SIGLEC14: variants seen among roughly 807,000 people sequenced by gnomAD.
SIGLEC14 encodes sialic acid binding Ig like lectin 14, also known as sialic acid-binding Ig-like lectin 14.
A neutral mutation model predicts 34.2 loss-of-function variants in SIGLEC14; 11 were observed. That is an observed-to-expected ratio of 0.32 (90% CI 0.20 to 0.53). The LOEUF (loss-of-function observed/expected upper bound fraction) is 0.53. SIGLEC14 is among the 20% of genes least tolerant of loss of function. SIGLEC14 has a pLI of 0.95. For missense variants in SIGLEC14, 264 were observed against 439.0 expected (o/e 0.60, Z 3.56); for synonymous variants, 99 against 179.7 (o/e 0.55, Z 3.59).
Position 51,645,788 on chromosome 19 carries a change from C to T in SIGLEC14, c.694G>A (p.Val232Ile), listed in dbSNP as rs755871717. ...TGTCCCCAGCACCACTCACAGGAGACATTGAGCTGGACAGTTCTCTCCGTG... is the reference window on the plus strand; with the variant it reads ...TGTCCCCAGCACCACTCACAGGAGATATTGAGCTGGACAGTTCTCTCCGTG... ...VTTERTVQLN[V>I]SYAPQNLAIS... is the part of the protein sequence containing the mutation. Residue 232 changes from valine (V) to isoleucine (I), a missense_variant, in exon 3 of 7, where the codon GTC (valine) becomes ATC (isoleucine). Physicochemically the swap from Val to Ile is conservative, Grantham distance 29. This residue lies in a region of SIGLEC14 where 45 missense variants were observed against 96.7 expected (regional missense o/e 0.47). Transcript: ENST00000360844. 6.5e-7 allele frequency: 1 copy of T among 1,528,366 alleles called. No individual in the cohort carries two copies. Among genetic ancestry groups the T allele is most frequent in the Non-Finnish European group, 8.8e-7 (1 of 1,140,176 alleles). The allele number at this position is 1,528,366 out of a possible 1,614,324, so 94.7% of individuals were successfully genotyped here.
At position 51,639,773 on chromosome 19, in the gene SIGLEC14, GAC is replaced by G. The variant is rs1370610357; in HGVS notation, c.*3580_*3581del. ...GATTTCAACATATAAATTTTGGGAA[GAC>G]ACACATTTCTATTATAGCATAAATA... is the stretch of plus-strand genomic sequence containing the variant. On this transcript the variant is annotated 3_prime_UTR_variant, in exon 7 of 7. Transcript: ENST00000360844. 2 of 138,868 alleles carry G rather than the reference GAC, an allele frequency of 1.4e-5. 1 individual carries two copies. Among genetic ancestry groups the G allele is most frequent in the East Asian group, 6.6e-4 (2 of 3,034 alleles). 8.6% of individuals were successfully genotyped at this position (138,868 alleles called of 1,614,324 possible).
At chr19:51,645,734 C>T (rs1440677955) in intron 3 of SIGLEC14, 48 bp downstream of exon 3, 1 of 1,086,864 alleles carries the variant, frequency 9.2e-7, no homozygotes, top group Non-Finnish European at 1.2e-6. Flanking sequence ...ACACCCCCCT[C>T]ACTCCCACTG....
At chr19:51,643,475 G>GGGGGGGGGC in intron 6 of SIGLEC14, 62 bp downstream of exon 6, 1 of 1,330,010 alleles carries the variant, frequency 7.5e-7, no homozygotes. Flanking sequence ...CTGTCCTGGG[G>GGGGGGGGGC]CAGGACAGCT....
rs201029241 is a variant in SIGLEC14 at position 51,643,368 on chromosome 19, T to A, written c.1178A>T (p.Glu393Val). 73 of 1,523,118 alleles carry A rather than the reference T, an allele frequency of 4.8e-5. 7 individuals are homozygous for A. In the African/African-American group the frequency reaches 1.0e-3, roughly 21 times the overall value. 94.4% of individuals were successfully genotyped at this position (1,523,118 alleles called of 1,614,324 possible). A position where few individuals can be genotyped will look rare whatever the true frequency, so the allele number is the denominator to read the frequency against. The change falls in exon 7 of 7, where the codon GAG becomes GTG. Residue 393 changes from glutamate to valine, a missense_variant. Glu to Val is a moderately radical substitution (Grantham distance 121). Around this residue, in one of 5 missense-constraint regions of SIGLEC14, gnomAD observed 149 missense variants for 184.4 expected, o/e 0.81. Transcript: ENST00000360844. Reference protein sequence around the residue: ...RCGGPQQSRAERPG With the variant: ...RCGGPQQSRAVRPG ...AGCGGGAGGGGCTCAGCCAGGCCTC[T>A]CAGCCCTGCTCTGCTGGGGGCCTCC...
In SIGLEC14 at chr19:51,645,328, A is replaced by T. The variant is rs1387574121; in HGVS notation, c.754+149T>A. On this transcript the variant is annotated intron_variant, in intron 4 of 6. Transcript: ENST00000360844. Reference sequence around the variant, plus strand: ...GAAATACTAGGTCTGTTCGTGCAAGATCTTAGTGACTGGGATTGGGGGGTT... The same window carrying T: ...GAAATACTAGGTCTGTTCGTGCAAGTTCTTAGTGACTGGGATTGGGGGGTT... 9 of 641,402 alleles carry T rather than the reference A, an allele frequency of 1.4e-5. 1 individual carries two copies. The highest frequency in any genetic ancestry group is 1.3e-4 in the South Asian group (7 of 52,942). The allele number at this position is 641,402 out of a possible 1,614,324, so 39.7% of individuals were successfully genotyped here.
At position 51,639,808 on chromosome 19, in the gene SIGLEC14, T is replaced by C. The variant is rs562943995; in HGVS notation, c.*3547A>G. 4 of 139,232 alleles carry C rather than the reference T, an allele frequency of 2.9e-5. 1 individual carries two copies. The highest frequency in any genetic ancestry group is 1.1e-4 in the African/African-American group (4 of 36,704). The allele number at this position is 139,232 out of a possible 1,614,324, so 8.6% of individuals were successfully genotyped here. A position where few individuals can be genotyped will look rare whatever the true frequency, so the allele number is the denominator to read the frequency against. ...TCTATTATAGCATAAATAAAGTATA[T>C]CAAGAGTTAAAGCATATAGAAAAAA... On this transcript the variant is annotated 3_prime_UTR_variant, in exon 7 of 7. Transcript: ENST00000360844.
chr19:51,643,345 C>T lies in SIGLEC14; in HGVS notation c.*10G>A, dbSNP rs760791932. The T allele has an allele frequency of 2.0e-5, 30 of 1,523,860 alleles. 7 individuals are homozygous for T. In the South Asian group the frequency reaches 2.4e-4, roughly 12 times the overall value. The allele number at this position is 1,523,860 out of a possible 1,614,324, so 94.4% of individuals were successfully genotyped here. ...GTCCACACCTCAGTTCTGTCTTGAGCGGGAGGGGCTCAGCCAGGCCTCTCA... is the reference window on the plus strand; with the variant it reads ...GTCCACACCTCAGTTCTGTCTTGAGTGGGAGGGGCTCAGCCAGGCCTCTCA... On this transcript the variant is annotated 3_prime_UTR_variant, in exon 7 of 7. Transcript: ENST00000360844.
chr19:51,643,480 A>T, intron 6 of SIGLEC14, 57 bp downstream of exon 6: 1 of 1,254,022 alleles, frequency 8.0e-7, no homozygotes, highest in Non-Finnish European at 1.0e-6. Context: ...CTGGGGCAGG[A>T]CAGCTCAGCC....
chr19:51,643,727 A>T lies in SIGLEC14; in HGVS notation c.1012+52T>A. 4.6e-6 allele frequency: 7 copies of T among 1,517,014 alleles called. 1 individual carries two copies. The highest frequency in any genetic ancestry group is 6.2e-6 in the Non-Finnish European group (7 of 1,132,458). 94.0% of individuals were successfully genotyped at this position (1,517,014 alleles called of 1,614,324 possible). ...TACCAGGCCTCAGTCCCTCCCACCA[A>T]CCTGAATACCTCACCGGGCTGTCTA... On this transcript the variant is annotated intron_variant, in intron 5 of 6. Coordinates refer to ENST00000360844, the MANE Select transcript of SIGLEC14 (RefSeq NM_001098612.3).
rs1184502169 is a variant in SIGLEC14, at chr19:51,644,961, TGAA to T, written c.754+513_754+515del. On this transcript the variant is annotated intron_variant, in intron 4 of 6. Coordinates refer to ENST00000360844, the MANE Select transcript of SIGLEC14 (RefSeq NM_001098612.3). ...CCCAAAAAGGACGATCAGTTAGAGA[TGAA>T]GCAGGGCATGCATCAGAGGACATCG... Among the ~76,000 whole-genome samples, 2 of 136,512 alleles carry T rather than the reference TGAA, an allele frequency of 1.5e-5. 1 individual carries two copies. Among genetic ancestry groups the T allele is most frequent in the Non-Finnish European group, 3.1e-5 (2 of 64,170 alleles). 89.6% of individuals were successfully genotyped at this position (136,512 alleles called of 152,430 possible).
At position 51,643,292 on chromosome 19, in the gene SIGLEC14, G is replaced by C. The variant is rs1485838441; in HGVS notation, c.*63C>G. On this transcript the variant is annotated 3_prime_UTR_variant, in exon 7 of 7. Transcript: ENST00000360844. ...CTTCCAGAAAGAAGCTGACAGTGAT[G>C]TCCTGCATGTGTCCCACAGGGCTAA... is the stretch of plus-strand genomic sequence containing the variant. 2.7e-5 allele frequency: 38 copies of C among 1,393,300 alleles called. 9 individuals are homozygous for C. Among genetic ancestry groups the C allele is most frequent in the Non-Finnish European group, 3.4e-5 (35 of 1,022,242 alleles). 86.3% of individuals were successfully genotyped at this position (1,393,300 alleles called of 1,614,324 possible).
chr19:51,645,394 G>A lies in SIGLEC14; in HGVS notation c.754+83C>T. On this transcript the variant is annotated intron_variant, in intron 4 of 6. Coordinates refer to ENST00000360844, the MANE Select transcript of SIGLEC14 (RefSeq NM_001098612.3). The stretch of plus-strand genomic sequence containing the variant: ...CCAGACCCAGGGGCTGAGGGGTGAG[G>A]GAGGGTCTCCTCTCCCAATGCTGAA... 6 of 1,281,302 alleles carry A rather than the reference G, an allele frequency of 4.7e-6. 1 individual carries two copies. The highest frequency in any genetic ancestry group is 6.5e-6 in the Non-Finnish European group (6 of 926,990). 79.4% of individuals were successfully genotyped at this position (1,281,302 alleles called of 1,614,324 possible).
Position 51,643,126 on chromosome 19 carries a change from A to G in SIGLEC14, c.*229T>C. The G allele has an allele frequency of 2.3e-6, 1 of 437,152 alleles. No homozygotes were observed. The highest frequency in any genetic ancestry group is 4.0e-6 in the Non-Finnish European group (1 of 250,898). The allele number at this position is 437,152 out of a possible 1,614,324, so 27.1% of individuals were successfully genotyped here. A position where few individuals can be genotyped will look rare whatever the true frequency, so the allele number is the denominator to read the frequency against. On this transcript the variant is annotated 3_prime_UTR_variant, in exon 7 of 7. Transcript: ENST00000360844. The stretch of plus-strand genomic sequence containing the variant: ...ACAGGGCTGGAGATGGTGGATGGAG[A>G]GGGAAGAGAAGGGCAGGTGGAGAGG...
chr19:51,643,560 G>A lies in SIGLEC14; in HGVS notation c.1125C>T (p.Gly375=). The part of the protein sequence containing the change: ...LMGAGFLLTY[G]LTWIYYTRCG... ...ACCTGGTATAGTAGATCCAGGTGAGGCCATAGGTGAGGAGGAAGCCAGCCC... is the reference window on the plus strand; with the variant it reads ...ACCTGGTATAGTAGATCCAGGTGAGACCATAGGTGAGGAGGAAGCCAGCCC... The change falls in exon 6 of 7, where the codon GGC becomes GGT. Residue 375 remains glycine, a synonymous_variant. Coordinates refer to ENST00000360844, the MANE Select transcript of SIGLEC14 (RefSeq NM_001098612.3). 2.0e-6 allele frequency: 3 copies of A among 1,527,906 alleles called. 1 individual carries two copies. The highest frequency in any genetic ancestry group is 2.6e-6 in the Non-Finnish European group (3 of 1,139,820). The allele number at this position is 1,527,906 out of a possible 1,614,324, so 94.6% of individuals were successfully genotyped here. A position where few individuals can be genotyped will look rare whatever the true frequency, so the allele number is the denominator to read the frequency against.
chr19:51,643,444 C>T lies in SIGLEC14; in HGVS notation c.1149-47G>A. 5 of 1,410,764 alleles carry T rather than the reference C, an allele frequency of 3.5e-6. 1 individual carries two copies. The highest frequency in any genetic ancestry group is 4.7e-6 in the Non-Finnish European group (5 of 1,074,026). 87.4% of individuals were successfully genotyped at this position (1,410,764 alleles called of 1,614,324 possible). On this transcript the variant is annotated intron_variant, in intron 6 of 6. Coordinates refer to ENST00000360844, the MANE Select transcript of SIGLEC14 (RefSeq NM_001098612.3). ...CAGATCAGCACCAGCCACTTCAGTTCTAATTCCAGGTGGGGCTGAGCTGTC... is the reference window on the plus strand; with the variant it reads ...CAGATCAGCACCAGCCACTTCAGTTTTAATTCCAGGTGGGGCTGAGCTGTC...
At chr19:51,643,470 CTGGGG>C in intron 6 of SIGLEC14, 62 bp downstream of exon 6, 1 of 1,290,896 alleles carries the variant, frequency 7.7e-7, no homozygotes, top group Non-Finnish European at 1.0e-6. Flanking sequence ...CTGAGCTGTC[CTGGGG>C]CAGGACAGCT....
At position 51,643,259 on chromosome 19, in the gene SIGLEC14, G is replaced by T; in HGVS notation, c.*96C>A. ...GAAGGAAAAGAGGGGTAGTCAGTGG[G>T]ATGTGAGCTTCCAGAAAGAAGCTGA... is the stretch of plus-strand genomic sequence containing the variant. On this transcript the variant is annotated 3_prime_UTR_variant, in exon 7 of 7. Coordinates refer to ENST00000360844, the MANE Select transcript of SIGLEC14 (RefSeq NM_001098612.3). 1.7e-6 allele frequency: 2 copies of T among 1,181,700 alleles called. No homozygotes were observed. The highest frequency in any genetic ancestry group is 3.5e-5 in the African/African-American group (2 of 56,966). 73.2% of individuals were successfully genotyped at this position (1,181,700 alleles called of 1,614,324 possible).
At position 51,642,281 on chromosome 19, in the gene SIGLEC14, C is replaced by A. The variant is rs543339098; in HGVS notation, c.*1074G>T. ...AATGAGCTATTGATACGTGTAACAA[C>A]GTGGATAAACTGGGAAAACCACACT... On this transcript the variant is annotated 3_prime_UTR_variant, in exon 7 of 7. Transcript: ENST00000360844. 7.9e-5 allele frequency among the ~76,000 whole-genome samples: 11 copies of A among 139,066 alleles called. 2 individuals carry two copies. Among genetic ancestry groups the A allele is most frequent in the African/African-American group, 2.7e-4 (10 of 36,700 alleles). 91.2% of individuals were successfully genotyped at this position (139,066 alleles called of 152,430 possible).
Position 51,644,196 on chromosome 19 carries a change from T to C in SIGLEC14, c.755-160A>G. On this transcript the variant is annotated intron_variant, in intron 4 of 6. Coordinates refer to ENST00000360844, the MANE Select transcript of SIGLEC14 (RefSeq NM_001098612.3). ...TGAGGACTTGGTGATCAGGTCAGGCTACCAGAAAGAAGGTGGCTGAGCTGA... is the reference window on the plus strand; with the variant it reads ...TGAGGACTTGGTGATCAGGTCAGGCCACCAGAAAGAAGGTGGCTGAGCTGA... Among the ~76,000 whole-genome samples, 2 of 138,508 alleles carry C rather than the reference T, an allele frequency of 1.4e-5. 1 individual carries two copies. Among genetic ancestry groups the C allele is most frequent in the Non-Finnish European group, 3.1e-5 (2 of 64,782 alleles). 90.9% of individuals were successfully genotyped at this position (138,508 alleles called of 152,430 possible).
Sources: allele counts gnomAD v4.1 joint callset (sites outside exome capture counted in the v4.1 genomes callset), GRCh38; gene constraint gnomAD v4.1.1; regional missense constraint gnomAD v4.1.1; transcripts MANE v1.5; gene names NCBI Gene and HGNC (gene_info 2026-07-23, HGNC 2026-07-21).